ADCY7: variants seen among roughly 807,000 people sequenced by gnomAD.
The protein encoded by ADCY7 is adenylate cyclase type 7.
In ADCY7, 72 loss-of-function variants were observed where a neutral mutation model predicts 120.6. That is an observed-to-expected ratio of 0.60 (90% confidence interval 0.49 to 0.73). The LOEUF is 0.73. ADCY7 is among the 30% of genes least tolerant of loss of function. The pLI is 0.00. For synonymous variants in ADCY7, 661 were observed against 628.0 expected, an observed-to-expected ratio of 1.05 and a Z score of -0.78; for missense variants, 1,227 against 1,486.0, an observed-to-expected ratio of 0.83 and a Z score of 2.87.
Position 50,290,556 on chromosome 16 carries a change from C to T in ADCY7, c.271C>T (p.Arg91Cys), listed in dbSNP as rs764413999. The T allele has an allele frequency of 1.7e-5, 27 of 1,614,110 alleles. No homozygotes were observed. The East Asian group carries it at 2.7e-4, about 16-fold the overall frequency. The change falls in exon 3 of 26, where the codon CGC becomes TGC. Residue 91 changes from arginine to cysteine, a missense_variant. By Grantham distance (180) the Arg-to-Cys change is radical (BLOSUM62 -3). Coordinates refer to ENST00000673801, the MANE Select transcript of ADCY7 (RefSeq NM_001114.5). ...GATGTACGTCGAGTGTCTCCTGCGG[C>T]GCTGGCTCAGGGCCTTGGCGCTGCT... ...VLMYVECLLR[R>C]WLRALALLTW...
At position 50,317,260 on chromosome 16, in the gene ADCY7, G is replaced by GT. The variant is rs1359999299; in HGVS notation, c.*1756dup. The GT allele has an allele frequency of 6.5e-6, 1 of 152,758 alleles. No individual in the cohort carries two copies. The highest frequency in any genetic ancestry group is 1.5e-5 in the Non-Finnish European group (1 of 68,052). 9.5% of individuals were successfully genotyped at this position (152,758 alleles called of 1,614,324 possible). A position where few individuals can be genotyped will look rare whatever the true frequency, so the allele number is the denominator to read the frequency against. ...AAGGAATTTCATGGCAACAATGCTG[G>GT]TAAGGGCAATTAGCCTCGCTTAAGT... On this transcript the variant is annotated 3_prime_UTR_variant, in exon 26 of 26. Transcript: ENST00000673801.
Position 50,288,082 on chromosome 16 carries a change from G to A in ADCY7, c.-98G>A, listed in dbSNP as rs2034692376. On this transcript the variant is annotated 5_prime_UTR_variant, in exon 2 of 26. Transcript: ENST00000673801. ...CTTGCCTGCCTCGGAGAGGACAGAG[G>A]CCTAGGCCCACGGGGGAGGGTGTTG... is the stretch of plus-strand genomic sequence containing the variant. 4.2e-6 allele frequency: 6 copies of A among 1,412,256 alleles called. No individual in the cohort carries two copies. Among genetic ancestry groups the A allele is most frequent in the Non-Finnish European group, 5.6e-6 (6 of 1,062,654 alleles). 87.5% of individuals were successfully genotyped at this position (1,412,256 alleles called of 1,614,324 possible). A position where few individuals can be genotyped will look rare whatever the true frequency, so the allele number is the denominator to read the frequency against.
At position 50,315,347 on chromosome 16, in the gene ADCY7, CTTCCTT is replaced by C; in HGVS notation, c.3097-8_3097-3del. The C allele has an allele frequency of 6.2e-7, 1 of 1,601,944 alleles. No individual in the cohort carries two copies. Among genetic ancestry groups the C allele is most frequent in the East Asian group, 2.2e-5 (1 of 44,458 alleles). On this transcript the variant is annotated splice_polypyrimidine_tract_variant and splice_region_variant and intron_variant, in intron 25 of 25. Transcript: ENST00000673801. ...CCGCCTCTGAAGACAACAGGTCTCTCTTCCTTTTCAGGTTACCGAGGAGACCTGCAC... is the reference window on the plus strand; with the variant it reads ...CCGCCTCTGAAGACAACAGGTCTCTCTTCAGGTTACCGAGGAGACCTGCAC...
At chr16:50,276,608 A>C (rs191273981) in intron 1 of ADCY7, among the ~76,000 whole-genome samples, 157 of 152,294 alleles carry the variant, frequency 1.0e-3, no homozygotes, top group African/African-American at 3.5e-3. Flanking sequence ...TAATTTATGA[A>C]TGAGTGAGAT....
rs983019073 is a variant in ADCY7, at chr16:50,316,692, G to A, written c.*1187G>A. 4 of 152,318 alleles carry A rather than the reference G, an allele frequency of 2.6e-5. No individual in the cohort carries two copies. The highest frequency in any genetic ancestry group is 4.8e-5 in the African/African-American group (2 of 41,434). The allele number at this position is 152,318 out of a possible 1,614,324, so 9.4% of individuals were successfully genotyped here. On this transcript the variant is annotated 3_prime_UTR_variant, in exon 26 of 26. Transcript: ENST00000673801. ...GGCAAATGCAAAAAGCCAGGTTTTGGGGATGTGTCTTACTGTGCTTCAACT... is the reference window on the plus strand; with the variant it reads ...GGCAAATGCAAAAAGCCAGGTTTTGAGGATGTGTCTTACTGTGCTTCAACT...
rs76269180 is a variant in ADCY7, at chr16:50,313,954, G to A, written c.2752-4G>A. The stretch of plus-strand genomic sequence containing the variant: ...CTGCTTCACCGCTTCCTTCTTGCCT[G>A]CAGCTCCTACTGAAGCCCAAGTTCA... On this transcript the variant is annotated splice_polypyrimidine_tract_variant and splice_region_variant and intron_variant, in intron 22 of 25. Coordinates refer to ENST00000673801, the MANE Select transcript of ADCY7 (RefSeq NM_001114.5). 57 of 1,611,432 alleles carry A rather than the reference G, an allele frequency of 3.5e-5. No homozygotes were observed. The Admixed American group carries it at 9.5e-4, about 27-fold the overall frequency.
intron 1 of ADCY7, among the ~76,000 whole-genome samples, chr16:50,273,366 T>TCTGCC (rs1457042567): frequency 6.6e-6 from 1 of 152,212 alleles, no homozygotes; most frequent in African/African-American, 2.4e-5. Flanking sequence ...GCCTTCCCCT[T>TCTGCC]CTGCCCTGCC....
At chr16:50,303,195 G>A (rs370541306) in intron 10 of ADCY7, among the ~76,000 whole-genome samples, 5 of 152,090 alleles carry the variant, frequency 3.3e-5, no homozygotes, top group Non-Finnish European at 5.9e-5. Flanking sequence ...ACAGAGAAAC[G>A]CATCCACCCC....
intron 18 of ADCY7, chr16:50,310,369 G>A (rs976345510): frequency 2.2e-5 from 27 of 1,214,914 alleles, no homozygotes; most frequent in Non-Finnish European, 3.2e-5. Context: ...CCTTTGGGAG[G>A]GTAAGCTCAC....
chr16:50,305,620 C>T, intron 13 of ADCY7, 34 bp downstream of exon 13: 2 of 1,568,956 alleles, frequency 1.3e-6, no homozygotes, highest in Non-Finnish European at 1.7e-6. Context: ...CCCCCCTCTC[C>T]TCTCCCCCTC....
intron 12 of ADCY7, 127 bp from the exon 13 acceptor site, chr16:50,305,376 G>A (rs561229738): frequency 2.4e-6 from 2 of 843,454 alleles, no homozygotes; most frequent in African/African-American, 1.7e-5. Flanking sequence ...GCCTCAGTGG[G>A]ACCCACCCAT....
intron 1 of ADCY7, among the ~76,000 whole-genome samples, chr16:50,252,000 CT>C (rs1299252039): frequency 1.3e-5 from 2 of 152,250 alleles, no homozygotes; most frequent in Admixed American, 1.3e-4. Flanking sequence ...CCAGCCTGCT[CT>C]CCTGTCACAG....
In ADCY7 at chr16:50,316,432, C is replaced by T. The variant is rs1434674919; in HGVS notation, c.*927C>T. On this transcript the variant is annotated 3_prime_UTR_variant, in exon 26 of 26. Coordinates refer to ENST00000673801, the MANE Select transcript of ADCY7 (RefSeq NM_001114.5). ...CACACATCTTTGCGTTCTCCCCTGC[C>T]GTCCTTCAACTGTATCTTACTTTTC... 6.6e-6 allele frequency: 1 copy of T among 152,356 alleles called. No homozygotes were observed. Among genetic ancestry groups the T allele is most frequent in the East Asian group, 1.9e-4 (1 of 5,346 alleles). 9.4% of individuals were successfully genotyped at this position (152,356 alleles called of 1,614,324 possible).
At chr16:50,298,786 A>G (rs2151006653) in intron 7 of ADCY7, 118 bp from the exon 8 acceptor site, 1 of 1,418,188 alleles carries the variant, frequency 7.1e-7, no homozygotes, top group East Asian at 2.4e-5. Context: ...GGACCCCAGG[A>G]GGCAAGCCCC....
At position 50,304,346 on chromosome 16, in the gene ADCY7, A is replaced by G. The variant is rs764796026; in HGVS notation, c.1369-14A>G. 4 of 1,491,436 alleles carry G rather than the reference A, an allele frequency of 2.7e-6. No individual in the cohort carries two copies. The highest frequency in any genetic ancestry group is 1.4e-5 in the African/African-American group (1 of 71,252). 92.4% of individuals were successfully genotyped at this position (1,491,436 alleles called of 1,614,324 possible). On this transcript the variant is annotated splice_polypyrimidine_tract_variant and intron_variant, in intron 10 of 25. Transcript: ENST00000673801. ...GAGGAGGTGGCACAGGCCCATGTCCATGTCTGCCCGCAGAGCCAGCAGCCA... is the reference window on the plus strand; with the variant it reads ...GAGGAGGTGGCACAGGCCCATGTCCGTGTCTGCCCGCAGAGCCAGCAGCCA...
At chr16:50,308,598 G>A (rs898528254) in intron 16 of ADCY7, 69 bp from the exon 17 acceptor site, 98 of 1,564,918 alleles carry the variant, frequency 6.3e-5, no homozygotes, top group Non-Finnish European at 8.1e-5. Context: ...CCCCTCCCCA[G>A]GCTGCCAGCG....
chr16:50,299,945 G>A (rs564853282), intron 8 of ADCY7, among the ~76,000 whole-genome samples: 13 of 152,284 alleles, frequency 8.5e-5, no homozygotes, highest in African/African-American at 2.9e-4. Context: ...GCTCAGTGGT[G>A]CTAACAACTC....
chr16:50,308,755 C>G lies in ADCY7; in HGVS notation c.2024C>G (p.Thr675Ser). The change falls in exon 17 of 26, where the codon ACC (threonine) becomes AGC (serine). Residue 675 changes from threonine (T) to serine (S), a missense_variant. By Grantham distance (58) the Thr-to-Ser change is moderately conservative. This residue lies in a region of ADCY7 where 267 missense variants were observed against 270.0 expected (regional missense o/e 0.99). Transcript: ENST00000673801. The stretch of plus-strand genomic sequence containing the variant: ...CTGAGGCTGACCCTGGCCGTCCTGA[C>G]CATCGGCAGCCTGCTCACTGTGGCC... ...PLLRLTLAVL[T>S]IGSLLTVAII... The G allele has an allele frequency of 6.2e-7, 1 of 1,612,776 alleles. No homozygotes were observed. Among genetic ancestry groups the G allele is most frequent in the Non-Finnish European group, 8.5e-7 (1 of 1,179,866 alleles).
Position 50,307,140 on chromosome 16 carries a change from A to C in ADCY7, c.1843A>C (p.Met615Leu). Residue 615 changes from methionine (M) to leucine (L), a missense_variant, in exon 15 of 26, where the codon ATG (methionine) becomes CTG (leucine). By Grantham distance (15) the Met-to-Leu change is conservative. This residue lies in a region of ADCY7 where 267 missense variants were observed against 270.0 expected (regional missense o/e 0.99). Coordinates refer to ENST00000673801, the MANE Select transcript of ADCY7 (RefSeq NM_001114.5). ...VCILLVHVLLMPRTAALGVSF... is the reference protein window; with the variant it reads ...VCILLVHVLLLPRTAALGVSF... ...CATCCTGCTCGTCCATGTCCTGCTC[A>C]TGCCCAGGTCAGTTGCAGGGAGGGG... 6.2e-7 allele frequency: 1 copy of C among 1,611,652 alleles called. No homozygotes were observed. Among genetic ancestry groups the C allele is most frequent in the South Asian group, 1.1e-5 (1 of 91,056 alleles).
Sources: allele counts gnomAD v4.1 joint callset (sites outside exome capture counted in the v4.1 genomes callset), GRCh38; gene constraint gnomAD v4.1.1; regional missense constraint gnomAD v4.1.1; transcripts MANE v1.5; gene names NCBI Gene and HGNC (gene_info 2026-07-23, HGNC 2026-07-21).